SNTB2: variants seen among roughly 807,000 people sequenced by gnomAD.
The protein encoded by SNTB2 is beta-2-syntrophin.
A neutral mutation model predicts 46.2 loss-of-function variants in SNTB2; 34 were observed. The ratio of observed to expected loss-of-function variants is 0.74; its 90% confidence interval spans 0.56 to 0.98. The LOEUF is 0.98. SNTB2 is among the 50% of genes least tolerant of loss of function. The pLI is 0.00. For missense variants in SNTB2, 603 were observed against 731.4 expected (o/e 0.82, Z 2.02); for synonymous variants, 290 against 312.6 (o/e 0.93, Z 0.76).
intron 1 of SNTB2, among the ~76,000 whole-genome samples, chr16:69,207,159 T>C (rs1490279517): frequency 6.7e-6 from 1 of 149,244 alleles, no homozygotes; most frequent in Non-Finnish European, 1.5e-5. Context: ...TCTTTCTTTT[T>C]TTTTTTTTTT....
intron 1 of SNTB2, among the ~76,000 whole-genome samples, chr16:69,210,228 A>G (rs1037762324): frequency 1.4e-5 from 2 of 145,886 alleles, no homozygotes; most frequent in Admixed American, 6.8e-5. Flanking sequence ...AAAATGTATT[A>G]CGGTTTTTTG....
intron 1 of SNTB2, chr16:69,235,585 G>A (rs956265828): frequency 2.9e-6 from 2 of 682,734 alleles, no homozygotes; most frequent in East Asian, 1.3e-4. Context: ...ACCAAAGTGG[G>A]GGAGGGGGGA....
At chr16:69,278,523 T>C (rs1376789166) in intron 4 of SNTB2, among the ~76,000 whole-genome samples, 1 of 150,374 alleles carries the variant, frequency 6.7e-6, no homozygotes, top group Admixed American at 6.6e-5. Context: ...TGGTGCAATC[T>C]CTGCTCACCG....
chr16:69,205,610 G>A (rs1044557327), intron 1 of SNTB2, among the ~76,000 whole-genome samples: 12 of 152,000 alleles, frequency 7.9e-5, no homozygotes, highest in African/African-American at 2.9e-4. Flanking sequence ...CCCTGGATTT[G>A]TGTTCTGGCA....
intron 6 of SNTB2, among the ~76,000 whole-genome samples, chr16:69,299,998 C>T (rs1313709153): frequency 6.6e-6 from 1 of 151,698 alleles, no homozygotes; most frequent in Non-Finnish European, 1.5e-5. Flanking sequence ...CTCAAGTGAT[C>T]CTCCCACCTC....
chr16:69,216,381 A>T (rs1964347339), intron 1 of SNTB2, among the ~76,000 whole-genome samples: 1 of 152,144 alleles, frequency 6.6e-6, no homozygotes, highest in African/African-American at 2.4e-5. Flanking sequence ...ATGATTTTAT[A>T]TATAAAGAAA....
chr16:69,271,499 C>T (rs542103758), intron 4 of SNTB2, among the ~76,000 whole-genome samples: 3 of 152,096 alleles, frequency 2.0e-5, no homozygotes, highest in Non-Finnish European at 4.4e-5. Context: ...CAATGCTTTG[C>T]GTGTAGTAGG....
chr16:69,212,603 C>T (rs766431680), intron 1 of SNTB2, among the ~76,000 whole-genome samples: 1 of 152,118 alleles, frequency 6.6e-6, no homozygotes, highest in African/African-American at 2.4e-5. Flanking sequence ...TCCCAAAGTG[C>T]TGGGATTACA....
At chr16:69,203,217 C>T (rs1226536827) in intron 1 of SNTB2, among the ~76,000 whole-genome samples, 2 of 151,994 alleles carry the variant, frequency 1.3e-5, no homozygotes, top group Admixed American at 6.6e-5. Context: ...GGGGTTTTGC[C>T]GTGTTGGCTA....
At chr16:69,279,515 C>CTTTTTTTTTTTTTTTTTTTTTTTTTTT (rs57637291) in intron 4 of SNTB2, among the ~76,000 whole-genome samples, 2 of 71,734 alleles carry the variant, frequency 2.8e-5, no homozygotes, top group African/African-American at 6.8e-5. Flanking sequence ...GTCCTTTGCC[C>CTTTTTTTTTTTTTTTTTTTTTTTTTTT]TTTTTTTTTT....
intron 5 of SNTB2, among the ~76,000 whole-genome samples, chr16:69,290,389 A>G (rs1254613524): frequency 2.6e-5 from 4 of 152,200 alleles, no homozygotes; most frequent in African/African-American, 7.2e-5. Flanking sequence ...GGCACTTTAT[A>G]TGTCTGTAGT....
chr16:69,285,658 A>ATT (rs530146968), intron 5 of SNTB2, among the ~76,000 whole-genome samples: 6 of 145,896 alleles, frequency 4.1e-5, no homozygotes, highest in African/African-American at 5.0e-5. Flanking sequence ...TAAAAAAAAA[A>ATT]TTTTTTTTTT....
chr16:69,241,509 G>T (rs1964614217), intron 1 of SNTB2, among the ~76,000 whole-genome samples: 1 of 151,082 alleles, frequency 6.6e-6, no homozygotes, highest in Admixed American at 6.6e-5. Context: ...GCCAGGGTGG[G>T]CGTGGTGGCT....
chr16:69,237,603 C>CT (rs397706857), intron 1 of SNTB2, among the ~76,000 whole-genome samples: 8,863 of 118,546 alleles, frequency 0.075, 556 homozygotes, highest in African/African-American at 0.14. Context: ...TTCTTTCTTT[C>CT]TTTTTTTTTT....
chr16:69,245,031 T>C (rs1364768586), intron 1 of SNTB2, among the ~76,000 whole-genome samples: 2 of 152,132 alleles, frequency 1.3e-5, no homozygotes, highest in Non-Finnish European at 2.9e-5. Context: ...AGAAGAGAGA[T>C]TAAGTTTGTT....
intron 1 of SNTB2, among the ~76,000 whole-genome samples, chr16:69,237,613 T>C (rs1293553156): frequency 2.2e-4 from 33 of 148,874 alleles, no homozygotes; most frequent in African/African-American, 7.7e-4. Flanking sequence ...CTTTTTTTTT[T>C]TTTTTTTGAG....
intron 1 of SNTB2, among the ~76,000 whole-genome samples, chr16:69,237,517 CAGGTCA>C (rs1169356273): frequency 6.6e-6 from 1 of 151,510 alleles, no homozygotes; most frequent in Non-Finnish European, 1.5e-5. Flanking sequence ...CTGGGTTCAT[CAGGTCA>C]AGGGAGTGCT....
At chr16:69,192,169 G>C (rs1470093491) in intron 1 of SNTB2, among the ~76,000 whole-genome samples, 1 of 152,224 alleles carries the variant, frequency 6.6e-6, no homozygotes, top group East Asian at 1.9e-4. Flanking sequence ...AACAGCAGCT[G>C]TTGTAGTGAA....
intron 1 of SNTB2, among the ~76,000 whole-genome samples, chr16:69,212,796 G>A (rs185233405): frequency 6.6e-6 from 1 of 151,774 alleles, no homozygotes; most frequent in East Asian, 1.9e-4. Flanking sequence ...TACCACACCT[G>A]GCTAATTTTG....
Sources: gnomAD v4.1 joint callset for allele counts (sites outside exome capture counted in the v4.1 genomes callset) on GRCh38, gnomAD v4.1.1 for gene constraint, MANE v1.5 for transcripts, NCBI Gene and HGNC (gene_info 2026-07-23, HGNC 2026-07-21) for gene names.